Variants in GRID1 observed in about 807,000 individuals in gnomAD.
The protein encoded by GRID1 is glutamate receptor ionotropic, delta-1.
In GRID1, 28 loss-of-function variants were observed where a neutral mutation model predicts 98.0. The observed-to-expected ratio is 0.29, with a 90% CI of 0.21 to 0.39. GRID1 has a LOEUF of 0.39. Among genes scored for constraint, GRID1 ranks in the 10% least tolerant of loss-of-function variants. GRID1 has a pLI of 1.00. For synonymous variants in GRID1, 553 were observed against 538.5 expected (o/e 1.03, Z -0.37); for missense variants, 1,111 against 1,340.5 (o/e 0.83, Z 2.67).
At chr10:85,887,618 T>C (rs1364517997) in intron 5 of GRID1, among the ~76,000 whole-genome samples, 1 of 152,172 alleles carries the variant, frequency 6.6e-6, no homozygotes, top group Non-Finnish European at 1.5e-5. Context: ...TCTAAGATAT[T>C]ATGCAGAGAA....
At chr10:86,183,639 G>A (rs373733617) in intron 3 of GRID1, among the ~76,000 whole-genome samples, 41 of 152,354 alleles carry the variant, frequency 2.7e-4, no homozygotes, top group South Asian at 1.0e-3. Context: ...GATTACAGGC[G>A]TGAGCCACCA....
chr10:86,252,778 G>A (rs1447666083), intron 2 of GRID1, among the ~76,000 whole-genome samples: 1 of 152,190 alleles, frequency 6.6e-6, no homozygotes, highest in Non-Finnish European at 1.5e-5. Context: ...GCCTCCGGCT[G>A]AGTGTGAGAT....
intron 8 of GRID1, among the ~76,000 whole-genome samples, chr10:85,805,131 A>G (rs1842612198): frequency 6.6e-6 from 1 of 151,366 alleles, no homozygotes; most frequent in Non-Finnish European, 1.5e-5. Context: ...ATATAATAAT[A>G]AAATATAGAA....
chr10:85,867,893 C>G (rs911441008), intron 6 of GRID1, among the ~76,000 whole-genome samples: 2 of 152,254 alleles, frequency 1.3e-5, no homozygotes, highest in African/African-American at 4.8e-5. Context: ...AGGCATGTTT[C>G]CTTTTTCTCT....
At chr10:86,015,692 T>A (rs1407574350) in intron 4 of GRID1, among the ~76,000 whole-genome samples, 3 of 152,246 alleles carry the variant, frequency 2.0e-5, no homozygotes, top group Non-Finnish European at 4.4e-5. Flanking sequence ...CTGCTCATTT[T>A]CTTAATCTTG....
At chr10:86,114,976 A>T (rs1392267763) in intron 4 of GRID1, among the ~76,000 whole-genome samples, 2 of 152,208 alleles carry the variant, frequency 1.3e-5, no homozygotes, top group Non-Finnish European at 2.9e-5. Flanking sequence ...CCTGGGATCC[A>T]GTATTGGCCC....
intron 4 of GRID1, among the ~76,000 whole-genome samples, chr10:86,109,412 G>C (rs537999253): frequency 6.6e-6 from 1 of 152,202 alleles, no homozygotes; most frequent in Non-Finnish European, 1.5e-5. Context: ...TTGTTAATGG[G>C]CTCTAGGAAT....
chr10:85,610,663 C>T (rs1842722319), intron 15 of GRID1, among the ~76,000 whole-genome samples: 1 of 152,162 alleles, frequency 6.6e-6, no homozygotes, highest in Non-Finnish European at 1.5e-5. Flanking sequence ...ACAGCCTGCT[C>T]AATGAGTGGA....
chr10:86,165,407 C>T (rs931578277), intron 3 of GRID1, among the ~76,000 whole-genome samples: 1 of 152,152 alleles, frequency 6.6e-6, no homozygotes, highest in Non-Finnish European at 1.5e-5. Context: ...TAGACCAAGG[C>T]AGAGAGGGAA....
At chr10:85,703,926 T>C (rs1647566914) in intron 12 of GRID1, among the ~76,000 whole-genome samples, 1 of 152,114 alleles carries the variant, frequency 6.6e-6, no homozygotes, top group South Asian at 2.1e-4. Context: ...GCAGGGCTGG[T>C]GGTGACAAAA....
chr10:86,167,692 C>A (rs59777382), intron 3 of GRID1, among the ~76,000 whole-genome samples: 8,373 of 152,292 alleles, frequency 0.055, 305 homozygotes, highest in East Asian at 0.13. Context: ...TGCCTTCCTG[C>A]CCCACCACCA....
At chr10:85,900,251 G>T (rs1841361749) in intron 5 of GRID1, among the ~76,000 whole-genome samples, 1 of 152,200 alleles carries the variant, frequency 6.6e-6, no homozygotes, top group East Asian at 1.9e-4. Context: ...ACATGTGCGT[G>T]CAGGCGCGCT....
At chr10:85,731,341 C>T (rs2132660452) in intron 8 of GRID1, among the ~76,000 whole-genome samples, 1 of 151,842 alleles carries the variant, frequency 6.6e-6, no homozygotes, top group South Asian at 2.1e-4. Context: ...AAAGAACCAC[C>T]CACCGCCACC....
intron 14 of GRID1, among the ~76,000 whole-genome samples, 193 bp from the exon 15 acceptor site, chr10:85,613,840 T>A (rs73338984): frequency 6.6e-6 from 1 of 152,152 alleles, no homozygotes; most frequent in Non-Finnish European, 1.5e-5. Flanking sequence ...AAAACGCACA[T>A]TAGGTTTTGT....
intron 2 of GRID1, among the ~76,000 whole-genome samples, chr10:86,245,833 C>T (rs1280424454): frequency 2.0e-5 from 3 of 152,246 alleles, no homozygotes; most frequent in African/African-American, 7.2e-5. Flanking sequence ...AAGCCACAGG[C>T]CAGAGGTCAG....
chr10:86,349,033 C>T (rs1848428150), intron 2 of GRID1, among the ~76,000 whole-genome samples: 2 of 152,240 alleles, frequency 1.3e-5, no homozygotes, highest in South Asian at 4.1e-4. Context: ...GCTATGTCCT[C>T]ACAGACAGGC....
intron 15 of GRID1, chr10:85,613,085 GAGGCACATGGGCGGGGCAGGGT>G: frequency 2.9e-6 from 1 of 342,780 alleles, no homozygotes. Context: ...GGTCAGGGTG[GAGGCACATGGGCGGGGCAGGGT>G]AGGGAAGGGC....
At chr10:86,144,050 T>C (rs1049836474) in intron 3 of GRID1, among the ~76,000 whole-genome samples, 9 of 152,160 alleles carry the variant, frequency 5.9e-5, no homozygotes, top group African/African-American at 2.2e-4. Context: ...GAGCACTCTG[T>C]GTCTGTCTCT....
intron 5 of GRID1, among the ~76,000 whole-genome samples, chr10:85,880,346 T>A (rs1464663044): frequency 6.6e-6 from 1 of 152,162 alleles, no homozygotes; most frequent in Non-Finnish European, 1.5e-5. Flanking sequence ...CCAATATCCT[T>A]GATGAACATT....
Sources: gnomAD v4.1 joint callset for allele counts (sites outside exome capture counted in the v4.1 genomes callset) on GRCh38, gnomAD v4.1.1 for gene constraint, MANE v1.5 for transcripts, NCBI Gene and HGNC (gene_info 2026-07-23, HGNC 2026-07-21) for gene names.